The following VEZT variants were observed in gnomAD, a reference collection of about 807,000 sequenced individuals.
The protein encoded by VEZT is vezatin, adherens junctions transmembrane protein, also known as vezatin.
Under a neutral mutation model 79.9 loss-of-function variants are expected in VEZT, and 39 were observed. That is an observed-to-expected ratio of 0.49 (90% confidence interval 0.38 to 0.64). The LOEUF is 0.64. Ranked by LOEUF, VEZT falls within the 30% of genes least tolerant of loss-of-function variation. The probability of loss-of-function intolerance (pLI) is 0.00; values close to 1 mark genes in which losing one functional copy is unlikely to be tolerated. For missense variants in VEZT, 837 were observed against 893.1 expected (o/e 0.94, Z 0.80); for synonymous variants, 325 against 327.6 (o/e 0.99, Z 0.09).
At chr12:95,287,604 A>G in intron 8 of VEZT, 60 bp from the exon 9 acceptor site, 8 of 1,371,738 alleles carry the variant, frequency 5.8e-6, no homozygotes, top group Non-Finnish European at 7.7e-6. Context: ...AAGCCTCGTA[A>G]ATTATAAATT....
chr12:95,218,028 G>A, intron 1 of VEZT, 142 bp downstream of exon 1: 3 of 777,596 alleles, frequency 3.9e-6, no homozygotes, highest in Non-Finnish European at 5.8e-6. Flanking sequence ...AGCGATTTCA[G>A]GGCCTAGAGT....
intron 5 of VEZT, among the ~76,000 whole-genome samples, chr12:95,268,693 G>T (rs1263278628): frequency 6.6e-6 from 1 of 152,136 alleles, no homozygotes; most frequent in Non-Finnish European, 1.5e-5. Context: ...TTACCTTCCA[G>T]ATTATGACTT....
At position 95,300,276 on chromosome 12, in the gene VEZT, GT is replaced by G; in HGVS notation, c.1944del (p.Ser648ArgfsTer11). 6.3e-7 allele frequency: 1 copy of G among 1,597,434 alleles called. No individual in the cohort carries two copies. The highest frequency in any genetic ancestry group is 8.5e-7 in the Non-Finnish European group (1 of 1,171,346). ...AGTAAAAATGATACTGAAGAGGAAA[GT>G]AATAAATCCGCCACAACAGACAATG... The part of the protein sequence containing the change: ...KVSKNDTEEE[S>X]NKSATTDNEI... On this transcript the variant is annotated frameshift_variant, in exon 12 of 12. Coordinates refer to ENST00000436874, the MANE Select transcript of VEZT (RefSeq NM_017599.4). LOFTEE classifies it low-confidence loss of function (END_TRUNC).
chr12:95,220,498 C>G (rs1360219069), intron 1 of VEZT, among the ~76,000 whole-genome samples: 9 of 152,126 alleles, frequency 5.9e-5, no homozygotes, highest in African/African-American at 1.7e-4. Context: ...CACCAGCACA[C>G]CAGAAGCTCC....
At chr12:95,263,616 A>T (rs2064952836) in intron 4 of VEZT, 1 of 152,230 alleles carries the variant, frequency 6.6e-6, no homozygotes, top group Admixed American at 6.6e-5. Flanking sequence ...ACACCACTGC[A>T]CTCCAGCCTG....
At chr12:95,275,663 CAA>C (rs1237850715) in intron 7 of VEZT, 2 of 150,466 alleles carry the variant, frequency 1.3e-5, no homozygotes, top group African/African-American at 2.4e-5. Flanking sequence ...TGATTTATAA[CAA>C]AGAGTTTTAA....
chr12:95,273,626 T>TA (rs1177480519), intron 6 of VEZT, among the ~76,000 whole-genome samples: 1 of 152,070 alleles, frequency 6.6e-6, no homozygotes, highest in African/African-American at 2.4e-5. Flanking sequence ...GTTTTATAGT[T>TA]AAAAAAAATT....
chr12:95,250,632 G>C (rs953230032), intron 1 of VEZT, among the ~76,000 whole-genome samples: 5 of 151,938 alleles, frequency 3.3e-5, no homozygotes, highest in Non-Finnish European at 5.9e-5. Flanking sequence ...GTCACCAACT[G>C]TATGCTTTAG....
At position 95,262,862 on chromosome 12, in the gene VEZT, TTA is replaced by T. The variant is rs753417463; in HGVS notation, c.259-38_259-37del. ...TAGGAGCTTAGCGTTTAATGCAATA[TTA>T]TATATGTGTTAATACCTCTCTTCTG... On this transcript the variant is annotated intron_variant, in intron 3 of 11. Transcript: ENST00000436874. 6 of 1,456,166 alleles carry T rather than the reference TTA, an allele frequency of 4.1e-6. No homozygotes were observed. In the Admixed American group the frequency reaches 1.3e-4, roughly 32 times the overall value. The allele number at this position is 1,456,166 out of a possible 1,614,324, so 90.2% of individuals were successfully genotyped here. A position where few individuals can be genotyped will look rare whatever the true frequency, so the allele number is the denominator to read the frequency against.
At chr12:95,240,042 AAGGAAGGAAGGAAGGAAGGAAGGAAGG>A (rs1158862720) in intron 1 of VEZT, among the ~76,000 whole-genome samples, 8 of 113,274 alleles carry the variant, frequency 7.1e-5, no homozygotes, top group African/African-American at 2.6e-4. Context: ...GGAAGGAAGG[AAGGAAGGAAGGAAGGAAGGAAGGAAGG>A]AAGGAAGAAA....
At chr12:95,287,897 A>G (rs754972412) in intron 9 of VEZT, 40 bp downstream of exon 9, 2 of 1,516,800 alleles carry the variant, frequency 1.3e-6, no homozygotes, top group South Asian at 1.3e-5. Context: ...CTTATCAGAC[A>G]TGCTTATTCC....
intron 1 of VEZT, chr12:95,224,291 A>T (rs1005751038): frequency 6.9e-6 from 3 of 432,746 alleles, no homozygotes; most frequent in Non-Finnish European, 1.4e-5. Flanking sequence ...TTTGTTAGTG[A>T]TTGCATTCCT....
intron 3 of VEZT, among the ~76,000 whole-genome samples, chr12:95,258,555 G>A (rs112294527): frequency 4.6e-5 from 7 of 152,210 alleles, no homozygotes; most frequent in Non-Finnish European, 8.8e-5. Context: ...TGATTGTGAC[G>A]TATTTAAAAT....
intron 1 of VEZT, among the ~76,000 whole-genome samples, chr12:95,246,959 T>C (rs1390528551): frequency 1.3e-5 from 2 of 152,184 alleles, no homozygotes; most frequent in African/African-American, 4.8e-5. Context: ...TCTAATACTT[T>C]ATGAAAAATA....
intron 1 of VEZT, among the ~76,000 whole-genome samples, chr12:95,236,028 G>A (rs1430786724): frequency 6.6e-6 from 1 of 152,062 alleles, no homozygotes; most frequent in Non-Finnish European, 1.5e-5. Flanking sequence ...GGTGGCGGCT[G>A]GGCAGAGGCT....
chr12:95,271,917 T>C (rs1001210534), intron 6 of VEZT, among the ~76,000 whole-genome samples: 77 of 152,312 alleles, frequency 5.1e-4, no homozygotes, highest in African/African-American at 1.8e-3. Context: ...CAGTGGCTCA[T>C]GCCAGTAACC....
At chr12:95,235,663 G>T (rs756372668) in intron 1 of VEZT, among the ~76,000 whole-genome samples, 1 of 140,286 alleles carries the variant, frequency 7.1e-6, no homozygotes, top group African/African-American at 2.6e-5. Flanking sequence ...CTGGCCGGGC[G>T]GGGGGCTGAC....
At chr12:95,284,446 A>G (rs926645956) in intron 8 of VEZT, among the ~76,000 whole-genome samples, 2 of 152,142 alleles carry the variant, frequency 1.3e-5, no homozygotes, top group African/African-American at 4.8e-5. Flanking sequence ...CCCCACCTCC[A>G]GGGTGTGTAT....
intron 7 of VEZT, among the ~76,000 whole-genome samples, chr12:95,281,738 G>A (rs1047493640): frequency 2.0e-5 from 3 of 151,920 alleles, no homozygotes; most frequent in Admixed American, 6.6e-5. Flanking sequence ...TAGAGACGAG[G>A]TTTCACCATG....
Sources: allele counts gnomAD v4.1 joint callset (sites outside exome capture counted in the v4.1 genomes callset), GRCh38; gene constraint gnomAD v4.1.1; transcripts MANE v1.5; gene names NCBI Gene and HGNC (gene_info 2026-07-23, HGNC 2026-07-21).